NBEA: variants seen among roughly 807,000 people sequenced by gnomAD.
NBEA encodes lysosomal-trafficking regulator 2.
Under a neutral mutation model 343.4 loss-of-function variants are expected in NBEA, and 44 were observed. The ratio of observed to expected loss-of-function variants is 0.13; its 90% CI spans 0.10 to 0.16. The LOEUF is 0.16. NBEA is among the 10% of genes least tolerant of loss of function. NBEA has a pLI of 1.00. For synonymous variants in NBEA, 1,175 were observed against 1,238.7 expected (o/e 0.95, Z 1.08); for missense variants, 2,555 against 3,631.3 (o/e 0.70, Z 7.62).
intron 52 of NBEA, among the ~76,000 whole-genome samples, chr13:35,651,137 ATTGT>A (rs1224018126): frequency 1.3e-5 from 2 of 152,234 alleles, no homozygotes; most frequent in African/African-American, 4.8e-5. Flanking sequence ...TTTATTTAAA[ATTGT>A]TTGAAAGTGT....
In NBEA at chr13:35,184,045, A is replaced by C. The variant is rs2071508182; in HGVS notation, c.4901A>C (p.Gln1634Pro). ...HGFLAKLIPE[Q>P]SFGHSFYKET... ...TTCCTTGCCAAGTTAATTCCTGAGC[A>C]GAGCTTTGGCCACTCATTTTACAAA... Residue 1634 changes from glutamine to proline, a missense_variant, in exon 30 of 59, where the codon CAG (glutamine) becomes CCG (proline). Transcript: ENST00000379939. 6.2e-7 allele frequency: 1 copy of C among 1,611,550 alleles called. No individual in the cohort carries two copies. Among genetic ancestry groups the C allele is most frequent in the African/African-American group, 1.3e-5 (1 of 74,802 alleles).
rs889636975 is a variant in NBEA, at chr13:35,457,051, T to C, written c.6448+4816T>C. On this transcript the variant is annotated intron_variant, in intron 40 of 58. Coordinates refer to ENST00000379939, the MANE Select transcript of NBEA (RefSeq NM_001385012.1). ...ATTACCAACAGTCCACCCATGTTAATGTCTACTAACTTAAAAATTTCACAG... is the reference window on the plus strand; with the variant it reads ...ATTACCAACAGTCCACCCATGTTAACGTCTACTAACTTAAAAATTTCACAG... Among the ~76,000 whole-genome samples the C allele has an allele frequency of 1.7e-4, 26 of 151,920 alleles. No individual in the cohort carries two copies. In the East Asian group the frequency reaches 4.2e-3, roughly 25 times the overall value.
intron 1 of NBEA, among the ~76,000 whole-genome samples, chr13:34,984,744 G>A (rs2060486853): frequency 6.6e-6 from 1 of 150,852 alleles, no homozygotes; most frequent in Non-Finnish European, 1.5e-5. Context: ...TCTTTGAAGA[G>A]GTCCTTCACA....
chr13:35,171,411 A>G lies in NBEA; in HGVS notation c.4382A>G (p.Asn1461Ser). 3.1e-6 allele frequency: 5 copies of G among 1,612,046 alleles called. No individual in the cohort carries two copies. The highest frequency in any genetic ancestry group is 4.2e-6 in the Non-Finnish European group (5 of 1,178,480). Residue 1461 changes from asparagine (N) to serine (S), a missense_variant, in exon 26 of 59, where the codon AAC becomes AGC. By Grantham distance (46) the Asn-to-Ser change is conservative. Around this residue, in one of 21 missense-constraint regions of NBEA, gnomAD observed 168 missense variants for 193.0 expected, o/e 0.87. Transcript: ENST00000379939. Reference protein sequence around the residue: ...LNFSEIEAEKNMSSGGLMRQC... With the variant: ...LNFSEIEAEKSMSSGGLMRQC... The stretch of plus-strand genomic sequence containing the variant: ...TTTAGTGAGATTGAAGCTGAGAAAA[A>G]CATGTCTTCTGGAGGTTTAATGCGA...
intron 41 of NBEA, chr13:35,475,054 A>G: frequency 1.2e-6 from 2 of 1,608,450 alleles, no homozygotes; most frequent in Non-Finnish European, 1.7e-6. Context: ...TGATTAAATC[A>G]TCCTCTAAAG....
chr13:35,471,756 C>G (rs527645098), intron 40 of NBEA, among the ~76,000 whole-genome samples: 5 of 152,262 alleles, frequency 3.3e-5, no homozygotes, highest in East Asian at 1.9e-4. Flanking sequence ...ATTTTCATCA[C>G]TTTTGATATA....
chr13:35,070,174 A>G (rs1259042763), intron 9 of NBEA, 69 bp downstream of exon 9: 13 of 1,304,564 alleles, frequency 1.0e-5, no homozygotes, highest in African/African-American at 1.5e-5. Flanking sequence ...TTATATATCA[A>G]ACATTGCTCA....
intron 54 of NBEA, 56 bp from the exon 55 acceptor site, chr13:35,655,523 A>T: frequency 6.6e-7 from 1 of 1,526,302 alleles, no homozygotes; most frequent in Non-Finnish European, 9.0e-7. Context: ...AGTTACACTT[A>T]TTACCATTTG....
At chr13:35,601,815 C>T (rs2153048573) in intron 47 of NBEA, among the ~76,000 whole-genome samples, 1 of 142,170 alleles carries the variant, frequency 7.0e-6, no homozygotes, top group Admixed American at 7.0e-5. Flanking sequence ...TGGATTGTTA[C>T]TTTAAAAGGC....
chr13:35,431,352 G>A (rs1178434746), intron 38 of NBEA, among the ~76,000 whole-genome samples: 1 of 151,994 alleles, frequency 6.6e-6, no homozygotes, highest in African/African-American at 2.4e-5. Context: ...TCTTTCGAGT[G>A]TATTACTCCA....
chr13:35,188,596 A>G (rs2071913118), intron 30 of NBEA, among the ~76,000 whole-genome samples: 2 of 152,070 alleles, frequency 1.3e-5, no homozygotes, highest in Non-Finnish European at 2.9e-5. Flanking sequence ...ATAGTGTTCC[A>G]TTGTGTATAT....
chr13:35,411,518 G>T (rs919750189), intron 38 of NBEA, among the ~76,000 whole-genome samples: 4 of 151,226 alleles, frequency 2.6e-5, no homozygotes, highest in Admixed American at 6.6e-5. Context: ...GTGCAGTGGT[G>T]CAAACACACC....
chr13:35,161,164 G>A (rs565069233), intron 22 of NBEA, among the ~76,000 whole-genome samples: 2 of 152,028 alleles, frequency 1.3e-5, no homozygotes, highest in African/African-American at 4.8e-5. Context: ...GGAAAACATC[G>A]TGCGTTGTTT....
At chr13:35,353,082 G>C (rs2040279334) in intron 38 of NBEA, among the ~76,000 whole-genome samples, 5 of 152,106 alleles carry the variant, frequency 3.3e-5, no homozygotes. Context: ...TATTAAATCT[G>C]TTTGACAAAG....
At chr13:35,308,572 ATATGTATATATG>A (rs1314397359) in intron 35 of NBEA, among the ~76,000 whole-genome samples, 18 of 125,980 alleles carry the variant, frequency 1.4e-4, no homozygotes, top group African/African-American at 5.6e-4. Context: ...ATATGTATAT[ATATGTATATATG>A]TATATATGTA....
intron 1 of NBEA, among the ~76,000 whole-genome samples, chr13:34,990,507 G>A (rs1194793183): frequency 6.6e-6 from 1 of 151,042 alleles, no homozygotes; most frequent in Admixed American, 6.6e-5. Flanking sequence ...AGCTGGAGCT[G>A]GAGAAGCTAG....
chr13:35,283,804 A>T (rs1192941507), intron 34 of NBEA, among the ~76,000 whole-genome samples: 1 of 152,190 alleles, frequency 6.6e-6, no homozygotes, highest in East Asian at 1.9e-4. Flanking sequence ...ATAATCTTAC[A>T]TGAAAGCTTT....
intron 39 of NBEA, among the ~76,000 whole-genome samples, chr13:35,442,503 A>G (rs1343850303): frequency 6.6e-6 from 1 of 152,144 alleles, no homozygotes; most frequent in Admixed American, 6.6e-5. Context: ...TGGTTTATCA[A>G]ATTTTCTTTA....
At chr13:35,362,605 C>T (rs1393544042) in intron 38 of NBEA, among the ~76,000 whole-genome samples, 1 of 151,922 alleles carries the variant, frequency 6.6e-6, no homozygotes, top group Non-Finnish European at 1.5e-5. Flanking sequence ...AGATGACTCA[C>T]CCATGCCCAC....
Sources: allele counts gnomAD v4.1 joint callset (sites outside exome capture counted in the v4.1 genomes callset), GRCh38; gene constraint gnomAD v4.1.1; regional missense constraint gnomAD v4.1.1; transcripts MANE v1.5; gene names NCBI Gene and HGNC (gene_info 2026-07-23, HGNC 2026-07-21).